The following SYN1 variants were observed in gnomAD, a reference collection of about 807,000 sequenced individuals.
The protein encoded by SYN1 is synapsin I, also known as synapsin-1.
A neutral mutation model predicts 44.6 loss-of-function variants in SYN1; 8 were observed. The ratio of observed to expected loss-of-function variants is 0.18; its 90% CI spans 0.11 to 0.32. The LOEUF is 0.32. Ranked by LOEUF, SYN1 falls within the 10% of genes least tolerant of loss-of-function variation. The pLI is 1.00. For missense variants in SYN1, 451 were observed against 639.4 expected, an observed-to-expected ratio of 0.71 and a Z score of 3.18; for synonymous variants, 275 against 280.1, an observed-to-expected ratio of 0.98 and a Z score of 0.18.
chrX:47,580,157 A>G (rs186263002), intron 5 of SYN1, among the ~76,000 whole-genome samples: 1 of 106,723 alleles, frequency 9.4e-6, no homozygotes, highest in East Asian at 3.0e-4. Flanking sequence ...AAATGAGATA[A>G]TGTCTGTAAA....
intron 5 of SYN1, chrX:47,582,594 C>T (rs2057803198): frequency 5.5e-6 from 2 of 364,800 alleles, no homozygotes. Flanking sequence ...CCTGCGGGTA[C>T]CAGGACCCTG....
chrX:47,596,165 T>C (rs1311784547), intron 5 of SYN1, among the ~76,000 whole-genome samples: 1 of 112,107 alleles, frequency 8.9e-6, no homozygotes, highest in Non-Finnish European at 1.9e-5. Context: ...CTTTATTTGA[T>C]CTGTCTGGCA....
chrX:47,613,914 C>T (rs757832289), intron 1 of SYN1, among the ~76,000 whole-genome samples: 1 of 111,582 alleles, frequency 9.0e-6, no homozygotes, highest in African/African-American at 3.3e-5. Context: ...TAGAATACAC[C>T]GGTTTGGGGA....
rs769442128 is a variant in SYN1 at position 47,585,379 on chromosome X, G to A, written c.775-7878C>T. The A allele has an allele frequency of 5.8e-5, 70 of 1,205,069 alleles. No homozygotes were observed. In the East Asian group the frequency reaches 1.8e-3, roughly 32 times the overall value. ...TGTGCCACACCAACCAGTCCCTGGG[G>A]CGCGGCCTAGCAACCACGAGGGGGC... is the stretch of plus-strand genomic sequence containing the variant. On this transcript the variant is annotated intron_variant, in intron 5 of 12. Transcript: ENST00000295987.
At position 47,574,092 on chromosome X, in the gene SYN1, C is replaced by G; in HGVS notation, c.1892G>C (p.Arg631Pro). The change falls in exon 12 of 13, where the codon CGT becomes CCT. Residue 631 changes from arginine (R) to proline (P), a missense_variant. This residue lies in a region of SYN1 where 127 missense variants were observed against 154.8 expected (regional missense o/e 0.82). Coordinates refer to ENST00000295987, the MANE Select transcript of SYN1 (RefSeq NM_006950.3). ...TTTCTGGGCCAGCTGTGGTTTGGGA[C>G]GTCCAGCGGGGCCCGGGCCGCTGGG... ...PRPSGPGPAG[R>P]PKPQLAQKPS... 1 of 1,132,671 alleles carries G rather than the reference C, an allele frequency of 8.8e-7. No homozygotes were observed. 93.3% of individuals were successfully genotyped at this position (1,132,671 alleles called of 1,213,427 possible). A position where few individuals can be genotyped will look rare whatever the true frequency, so the allele number is the denominator to read the frequency against.
chrX:47,581,162 A>G (rs1192643954), intron 5 of SYN1, among the ~76,000 whole-genome samples: 1 of 111,851 alleles, frequency 8.9e-6, no homozygotes, highest in African/African-American at 3.3e-5. Flanking sequence ...TTATTGGGCT[A>G]TCATCCCTGA....
At chrX:47,576,747 C>G (rs777908348) in intron 6 of SYN1, 107 bp from the exon 7 acceptor site, 19 of 1,056,580 alleles carry the variant, frequency 1.8e-5, no homozygotes, top group Non-Finnish European at 2.3e-5. Flanking sequence ...GAGGCGAGTA[C>G]ACAAAAATTA....
At chrX:47,593,107 C>A (rs2057853302) in intron 5 of SYN1, among the ~76,000 whole-genome samples, 1 of 110,593 alleles carries the variant, frequency 9.0e-6, no homozygotes, top group African/African-American at 3.3e-5. Flanking sequence ...GTTGACCAGG[C>A]TGGTCTTGAA....
At chrX:47,579,849 G>GCCCCCCCCCCCCCCCCC (rs140381513) in intron 5 of SYN1, among the ~76,000 whole-genome samples, 12 of 83,164 alleles carry the variant, frequency 1.4e-4, no homozygotes, top group Middle Eastern at 6.3e-3. Flanking sequence ...TGTTTTTGTC[G>GCCCCCCCCCCCCCCCCC]CCCCCCCACC....
At chrX:47,592,772 GTA>G (rs757359811) in intron 5 of SYN1, among the ~76,000 whole-genome samples, 42 of 111,330 alleles carry the variant, frequency 3.8e-4, no homozygotes, top group Admixed American at 3.4e-3. Flanking sequence ...TGTTGTTATT[GTA>G]TATGTTTTCT....
intron 1 of SYN1, among the ~76,000 whole-genome samples, chrX:47,609,050 A>G (rs2057909674): frequency 9.4e-6 from 1 of 106,789 alleles, no homozygotes; most frequent in Non-Finnish European, 1.9e-5. Context: ...CATCGCTGAC[A>G]CTATCCCCTC....
In SYN1 at chrX:47,574,428, G is replaced by A; in HGVS notation, c.1556C>T (p.Ala519Val). Residue 519 changes from alanine (A) to valine (V), a missense_variant, in exon 12 of 13, where the codon GCG (alanine) becomes GTG (valine). By Grantham distance (64) the Ala-to-Val change is moderately conservative. Coordinates refer to ENST00000295987, the MANE Select transcript of SYN1 (RefSeq NM_006950.3). ...CTGGGTCGGCGGCGCGGCCTGGGAC[G>A]CGGGCTGCTGGGGCGCTGAGGTGGG... is the stretch of plus-strand genomic sequence containing the variant. ...PSPTSAPQQP[A>V]SQAAPPTQGQ... The A allele has an allele frequency of 1.9e-6, 2 of 1,036,766 alleles. No individual in the cohort carries two copies. The highest frequency in any genetic ancestry group is 7.3e-4 in the Middle Eastern group (2 of 2,726). The allele number at this position is 1,036,766 out of a possible 1,213,427, so 85.4% of individuals were successfully genotyped here.
intron 12 of SYN1, 87 bp from the exon 13 acceptor site, chrX:47,573,086 A>G: frequency 9.0e-7 from 1 of 1,107,315 alleles, no homozygotes; most frequent in Non-Finnish European, 1.2e-6. Flanking sequence ...CCCCAGGCCC[A>G]GCCCCAGCCC....
intron 5 of SYN1, among the ~76,000 whole-genome samples, chrX:47,598,851 T>TA (rs1283911487): frequency 2.8e-5 from 3 of 107,712 alleles, no homozygotes; most frequent in East Asian, 2.9e-4. Context: ...AATAAATAAA[T>TA]AAAAAATAAA....
At chrX:47,602,021 TACTC>T (rs2057881225) in intron 5 of SYN1, among the ~76,000 whole-genome samples, 1 of 112,345 alleles carries the variant, frequency 8.9e-6, no homozygotes, top group Admixed American at 9.5e-5. Context: ...ACGACAAAAA[TACTC>T]AACCAACTAA....
intron 5 of SYN1, chrX:47,585,827 G>A (rs1441795029): frequency 8.7e-6 from 10 of 1,150,669 alleles, no homozygotes; most frequent in Admixed American, 2.6e-5. Flanking sequence ...CCCCAAGCCC[G>A]AGACTGCTCC....
intron 5 of SYN1, 108 bp from the exon 6 acceptor site, chrX:47,577,609 C>T: frequency 1.5e-6 from 1 of 679,589 alleles, no homozygotes; most frequent in Non-Finnish European, 2.3e-6. Context: ...TTATGAGTCA[C>T]TTCCCAGGAC....
chrX:47,585,716 T>G, intron 5 of SYN1: 2 of 1,201,323 alleles, frequency 1.7e-6, no homozygotes, highest in South Asian at 3.6e-5. Flanking sequence ...CCCGGGGCCA[T>G]TCCCTAAATC....
intron 5 of SYN1, among the ~76,000 whole-genome samples, chrX:47,594,048 T>C (rs1292909901): frequency 1.8e-5 from 2 of 111,044 alleles, no homozygotes; most frequent in Admixed American, 9.6e-5. Flanking sequence ...CTGAGCAACA[T>C]GGTGAAACCC....
Sources: gnomAD v4.1 joint callset for allele counts (sites outside exome capture counted in the v4.1 genomes callset) on GRCh38, gnomAD v4.1.1 for gene constraint, gnomAD v4.1.1 regional missense constraint, MANE v1.5 for transcripts, NCBI Gene and HGNC (gene_info 2026-07-23, HGNC 2026-07-21) for gene names.